The following PANK1 variants were observed in gnomAD, a reference collection of about 807,000 sequenced individuals.
The protein encoded by PANK1 is pantothenate kinase 1.
A neutral mutation model predicts 40.1 loss-of-function variants in PANK1; 18 were observed. That is an observed-to-expected ratio of 0.45 (90% CI 0.31 to 0.67). PANK1 has a LOEUF of 0.67. Among genes scored for constraint, PANK1 ranks in the 30% least tolerant of loss-of-function variants. The pLI, the probability that PANK1 is intolerant of heterozygous loss-of-function variation, is 0.06. For missense variants in PANK1, 457 were observed against 599.6 expected (o/e 0.76, Z 2.48); for synonymous variants, 242 against 237.7 (o/e 1.02, Z -0.17).
Position 89,645,081 on chromosome 10 carries a change from C to T in PANK1, c.-190G>A, listed in dbSNP as rs1448544492. The T allele has an allele frequency of 6.6e-7, 1 of 1,512,450 alleles. No homozygotes were observed. Among genetic ancestry groups the T allele is most frequent in the Middle Eastern group, 2.1e-4 (1 of 4,802 alleles). 93.7% of individuals were successfully genotyped at this position (1,512,450 alleles called of 1,614,324 possible). On this transcript the variant is annotated 5_prime_UTR_variant, in exon 1 of 7. Coordinates refer to ENST00000307534, the MANE Select transcript of PANK1 (RefSeq NM_148977.3). ...CCGACTCCCCCACCTCCTCTGCGCCCTGCCCCCCGCGCGCCGGCCCCACGG... is the reference window on the plus strand; with the variant it reads ...CCGACTCCCCCACCTCCTCTGCGCCTTGCCCCCCGCGCGCCGGCCCCACGG...
chr10:89,632,692 G>A (rs1339797739), intron 1 of PANK1, among the ~76,000 whole-genome samples: 1 of 152,112 alleles, frequency 6.6e-6, no homozygotes, highest in African/African-American at 2.4e-5. Flanking sequence ...ATTTTCTTCT[G>A]CTAGCATTGA....
chr10:89,605,765 A>G (rs1040091629), intron 2 of PANK1, among the ~76,000 whole-genome samples: 13 of 152,146 alleles, frequency 8.5e-5, no homozygotes, highest in Non-Finnish European at 1.8e-4. Flanking sequence ...TCTTTTCCAG[A>G]GGTTTCTAAT....
intron 1 of PANK1, among the ~76,000 whole-genome samples, chr10:89,630,636 G>T (rs1287161118): frequency 6.6e-6 from 1 of 152,000 alleles, no homozygotes; most frequent in Non-Finnish European, 1.5e-5. Context: ...GAGACTACAG[G>T]CACCCGTCAC....
At position 89,611,945 on chromosome 10, in the gene PANK1, G is replaced by A. The variant is rs1395026234; in HGVS notation, c.396C>T (p.Asn132=). 1.2e-6 allele frequency: 2 copies of A among 1,613,974 alleles called. No individual in the cohort carries two copies. Among genetic ancestry groups the A allele is most frequent in the Non-Finnish European group, 8.5e-7 (1 of 1,180,014 alleles). The change falls in exon 2 of 7, where the codon AAC becomes AAT. Residue 132 remains asparagine (N), a synonymous_variant. Coordinates refer to ENST00000307534, the MANE Select transcript of PANK1 (RefSeq NM_148977.3). Reference sequence around the variant, plus strand: ...TCAAATACTTCCGGATGCTCTTCAGGTTCTCCACTTCCTCTTGCTCCTCTT... The same window carrying A: ...TCAAATACTTCCGGATGCTCTTCAGATTCTCCACTTCCTCTTGCTCCTCTT... The part of the protein sequence containing the change: ...TAEEEQEEVE[N]LKSIRKYLTS...
rs140902542 is a variant in PANK1 at position 89,584,158 on chromosome 10, C to T, written c.*248G>A. On this transcript the variant is annotated 3_prime_UTR_variant, in exon 7 of 7. Transcript: ENST00000307534. ...TGCATACAATTGGTAGGTTTGGCCACGCTGCACCATTTTTTTAAAAAAATA... is the reference window on the plus strand; with the variant it reads ...TGCATACAATTGGTAGGTTTGGCCATGCTGCACCATTTTTTTAAAAAAATA... 72 of 422,138 alleles carry T rather than the reference C, an allele frequency of 1.7e-4. No individual in the cohort carries two copies. The highest frequency in any genetic ancestry group is 1.1e-3 in the African/African-American group (55 of 50,308). The allele number at this position is 422,138 out of a possible 1,614,324, so 26.1% of individuals were successfully genotyped here. A position where few individuals can be genotyped will look rare whatever the true frequency, so the allele number is the denominator to read the frequency against.
intron 1 of PANK1, among the ~76,000 whole-genome samples, chr10:89,641,782 A>T (rs577873197): frequency 5.3e-5 from 8 of 151,604 alleles, no homozygotes; most frequent in East Asian, 1.9e-4. Context: ...TAAAATAAAA[A>T]AAAATCAGCA....
At chr10:89,629,844 C>T (rs772839537) in intron 1 of PANK1, among the ~76,000 whole-genome samples, 12 of 152,142 alleles carry the variant, frequency 7.9e-5, no homozygotes, top group Non-Finnish European at 1.5e-4. Context: ...CAGGGATTTC[C>T]TGAATCAAAA....
At chr10:89,618,990 C>T (rs1040109636) in intron 1 of PANK1, among the ~76,000 whole-genome samples, 2 of 152,180 alleles carry the variant, frequency 1.3e-5, no homozygotes, top group Admixed American at 1.3e-4. Context: ...ACCCCTAAAT[C>T]AAAATCCTTC....
downstream of PANK1, chr10:89,582,591 T>A (rs992177245): frequency 1.3e-5 from 2 of 152,234 alleles, no homozygotes; most frequent in African/African-American, 4.8e-5. Context: ...GAAGAGGCCA[T>A]CAAAAGGCAC....
chr10:89,608,183 G>C (rs1325617797), intron 2 of PANK1, among the ~76,000 whole-genome samples: 1 of 151,738 alleles, frequency 6.6e-6, no homozygotes, highest in African/African-American at 2.4e-5. Flanking sequence ...AGGCGCCCGC[G>C]ACCACGCCCG....
intron 3 of PANK1, among the ~76,000 whole-genome samples, chr10:89,595,833 A>AATATATATATATATATAT (rs369831755): frequency 8.9e-5 from 3 of 33,774 alleles, no homozygotes; most frequent in Non-Finnish European, 1.4e-4. Context: ...AAAAAAAAAA[A>AATATATATATATATATAT]ATATATATAT....
Position 89,623,385 on chromosome 10 carries a change from C to T in PANK1, c.293-11337G>A, listed in dbSNP as rs536264565. ...TACAGGCACCCACCACCATGCCTGG[C>T]TAATTTTTTTTTGTATTTTTAGTGG... On this transcript the variant is annotated intron_variant, in intron 1 of 6. Transcript: ENST00000307534. Among the ~76,000 whole-genome samples, 495 of 152,080 alleles carry T rather than the reference C, an allele frequency of 3.3e-3. 6 individuals are homozygous for T. Among genetic ancestry groups the T allele is most frequent in the African/African-American group, 0.012 (479 of 41,494 alleles).
At position 89,583,655 on chromosome 10, in the gene PANK1, T is replaced by C. The variant is rs1417235638; in HGVS notation, c.*751A>G. The C allele has an allele frequency of 6.6e-6, 1 of 152,214 alleles. No individual in the cohort carries two copies. The highest frequency in any genetic ancestry group is 1.5e-5 in the Non-Finnish European group (1 of 68,024). The allele number at this position is 152,214 out of a possible 1,614,324, so 9.4% of individuals were successfully genotyped here. On this transcript the variant is annotated 3_prime_UTR_variant, in exon 7 of 7. Coordinates refer to ENST00000307534, the MANE Select transcript of PANK1 (RefSeq NM_148977.3). Reference sequence around the variant, plus strand: ...AGCGATAGGACAAACTTGCATATAATTTGCAACTTTTGCCAGACTCATTAA... The same window carrying C: ...AGCGATAGGACAAACTTGCATATAACTTGCAACTTTTGCCAGACTCATTAA...
intron 1 of PANK1, among the ~76,000 whole-genome samples, chr10:89,625,265 C>G (rs11185817): frequency 0.31 from 47,521 of 152,068 alleles, 7,557 homozygotes; most frequent in Non-Finnish European, 0.35. Context: ...AAACTGAGCA[C>G]AGAACTCTGA....
rs912337040 is a variant in PANK1, at chr10:89,616,566, C to G, written c.293-4518G>C. 1.3e-5 allele frequency among the ~76,000 whole-genome samples: 2 copies of G among 152,066 alleles called. 1 individual carries two copies. The highest frequency in any genetic ancestry group is 4.1e-4 in the South Asian group (2 of 4,824). The stretch of plus-strand genomic sequence containing the variant: ...CTCAGGAGGTCAAGGTTGTAGTGTA[C>G]TACGACTATGCCTGTGAATAGTTGC... On this transcript the variant is annotated intron_variant, in intron 1 of 6. Transcript: ENST00000307534.
chr10:89,633,484 C>T (rs1048074047), intron 1 of PANK1, among the ~76,000 whole-genome samples: 4 of 152,062 alleles, frequency 2.6e-5, no homozygotes, highest in African/African-American at 9.7e-5. Context: ...GTCAAATGTA[C>T]ACTAACTTCC....
At position 89,636,337 on chromosome 10, in the gene PANK1, ATTATTT is replaced by A. The variant is rs1262592266; in HGVS notation, c.292+8257_292+8262del. Among the ~76,000 whole-genome samples the A allele has an allele frequency of 8.0e-5, 12 of 150,830 alleles. 1 individual carries two copies. The highest frequency in any genetic ancestry group is 6.3e-4 in the South Asian group (3 of 4,788). On this transcript the variant is annotated intron_variant, in intron 1 of 6. Transcript: ENST00000307534. Reference sequence around the variant, plus strand: ...CACAGTTATTATTATTATTATTATTATTATTTTTAATTTTTATTTTTTTTGAGATGG... The same window carrying A: ...CACAGTTATTATTATTATTATTATTATTAATTTTTATTTTTTTTGAGATGG...
At chr10:89,630,908 T>C (rs905725871) in intron 1 of PANK1, among the ~76,000 whole-genome samples, 7 of 152,252 alleles carry the variant, frequency 4.6e-5, no homozygotes, top group African/African-American at 1.7e-4. Flanking sequence ...GGCGCATCCC[T>C]GTAGTCTCAA....
intron 1 of PANK1, among the ~76,000 whole-genome samples, chr10:89,637,032 G>A (rs999520415): frequency 2.0e-5 from 3 of 150,782 alleles, no homozygotes; most frequent in Non-Finnish European, 3.0e-5. Flanking sequence ...TGGCTATTTT[G>A]TATTTTTAGT....
Sources: allele counts gnomAD v4.1 joint callset (sites outside exome capture counted in the v4.1 genomes callset), GRCh38; gene constraint gnomAD v4.1.1; transcripts MANE v1.5; gene names NCBI Gene and HGNC (gene_info 2026-07-23, HGNC 2026-07-21).